Variants in ASRGL1 observed in about 807,000 individuals in gnomAD.
ASRGL1 encodes asparaginase and isoaspartyl peptidase 1, also known as isoaspartyl peptidase/L-asparaginase.
Under a neutral mutation model 22.4 loss-of-function variants are expected in ASRGL1, and 16 were observed. The observed-to-expected ratio is 0.71, with a 90% confidence interval of 0.48 to 1.08. The LOEUF (loss-of-function observed/expected upper bound fraction) is 1.08, where lower values mean the gene tolerates loss of function less well. Ranked by LOEUF, ASRGL1 falls within the 50% of genes least tolerant of loss-of-function variation. The pLI, the probability that ASRGL1 is intolerant of heterozygous loss-of-function variation, is 0.00. For missense variants in ASRGL1, 412 were observed against 410.1 expected (o/e 1.00, Z -0.04); for synonymous variants, 165 against 159.3 (o/e 1.04, Z -0.27).
intron 4 of ASRGL1, among the ~76,000 whole-genome samples, chr11:62,378,940 C>G (rs187598217): frequency 1.8e-3 from 281 of 152,188 alleles, no homozygotes; most frequent in Non-Finnish European, 2.4e-3. Flanking sequence ...TCAAGTGGAA[C>G]TTTAATGCCA....
intron 4 of ASRGL1, 70 bp from the exon 5 acceptor site, chr11:62,389,063 G>A (rs55715528): frequency 7.5e-7 from 1 of 1,334,610 alleles, no homozygotes; most frequent in Non-Finnish European, 1.1e-6. Context: ...GTGGTTTTAA[G>A]GTACATTGTT....
At chr11:62,398,703 A>G in the ASRGL1 span, among the ~76,000 whole-genome samples, 4 of 152,114 alleles carry the variant, frequency 2.6e-5, no homozygotes, top group East Asian at 7.7e-4. Context: ...GCAGGCCGGC[A>G]TGTCTCCCCG....
intron 4 of ASRGL1, among the ~76,000 whole-genome samples, chr11:62,383,913 CAA>C (rs35068655): frequency 8.2e-5 from 10 of 122,244 alleles, no homozygotes; most frequent in African/African-American, 9.7e-5. Flanking sequence ...GAGTTGGTCT[CAA>C]AAAAAAAAAA....
At chr11:62,338,711 G>T (rs1195173526) in intron 2 of ASRGL1, among the ~76,000 whole-genome samples, 1 of 152,010 alleles carries the variant, frequency 6.6e-6, no homozygotes, top group Non-Finnish European at 1.5e-5. Flanking sequence ...CAAGGCGGGT[G>T]GATCACCTGA....
At chr11:62,352,421 A>G (rs138572785) in intron 2 of ASRGL1, among the ~76,000 whole-genome samples, 398 of 152,280 alleles carry the variant, frequency 2.6e-3, no homozygotes, top group Admixed American at 8.1e-3. Flanking sequence ...ACCTGTCTCT[A>G]CTAAAAATAT....
chr11:62,394,075 A>G (rs1487318262), downstream of ASRGL1, among the ~76,000 whole-genome samples: 2 of 143,360 alleles, frequency 1.4e-5, no homozygotes, highest in Admixed American at 7.3e-5. Context: ...TATTTATTAT[A>G]TATTATAATT....
chr11:62,347,693 G>T (rs906480687), intron 2 of ASRGL1, among the ~76,000 whole-genome samples: 2 of 151,964 alleles, frequency 1.3e-5, no homozygotes, highest in Non-Finnish European at 2.9e-5. Context: ...CGTAATCTCA[G>T]CACTTTGGGA....
chr11:62,400,187 C>T, the ASRGL1 span, among the ~76,000 whole-genome samples: 21 of 152,274 alleles, frequency 1.4e-4, no homozygotes, highest in Non-Finnish European at 1.3e-4. Flanking sequence ...ATGAGGGGCT[C>T]CCCAGGCCTT....
In ASRGL1 at chr11:62,356,941, A is replaced by C. The variant is rs753224835; in HGVS notation, c.334-46A>C. ...ACAGTTGGAACAGTTAAAAAGATTT[A>C]AAATTTTCAAAAAAACAATCATTTT... On this transcript the variant is annotated intron_variant, in intron 3 of 6. Coordinates refer to ENST00000415229, the MANE Select transcript of ASRGL1 (RefSeq NM_001083926.2). 7 of 1,556,146 alleles carry C rather than the reference A, an allele frequency of 4.5e-6. No homozygotes were observed. The South Asian group carries it at 7.3e-5, about 16-fold the overall frequency.
In ASRGL1 at chr11:62,357,120, G is replaced by A; in HGVS notation, c.467G>A (p.Gly156Asp). The change falls in exon 4 of 7, where the codon GGT (glycine) becomes GAT (aspartate). Residue 156 changes from glycine to aspartate, a missense_variant. Transcript: ENST00000415229. ...KRLEKEKHEKGAQKTDCQKNL... is the reference protein window; with the variant it reads ...KRLEKEKHEKDAQKTDCQKNL... Reference sequence around the variant, plus strand: ...CTGGAAAAAGAGAAGCATGAAAAAGGTGCTCAGAAAACAGATTGTCAAAAG... The same window carrying A: ...CTGGAAAAAGAGAAGCATGAAAAAGATGCTCAGAAAACAGATTGTCAAAAG... The A allele has an allele frequency of 1.9e-6, 3 of 1,613,780 alleles. No homozygotes were observed. The highest frequency in any genetic ancestry group is 2.5e-6 in the Non-Finnish European group (3 of 1,179,938).
intron 4 of ASRGL1, chr11:62,371,932 C>G (rs1946779396): frequency 1.8e-6 from 1 of 559,088 alleles, no homozygotes; most frequent in Non-Finnish European, 3.1e-6. Context: ...CTAGCCTGGG[C>G]AACAGAGCAA....
intron 2 of ASRGL1, among the ~76,000 whole-genome samples, chr11:62,352,036 C>T (rs1427288971): frequency 1.3e-5 from 2 of 152,154 alleles, no homozygotes; most frequent in Non-Finnish European, 2.9e-5. Flanking sequence ...TCCATTTGCC[C>T]TTATCTGTGT....
At chr11:62,338,313 A>G (rs1050532078) in intron 2 of ASRGL1, 146 bp downstream of exon 2, 10 of 953,620 alleles carry the variant, frequency 1.0e-5, no homozygotes, top group Non-Finnish European at 1.3e-5. Context: ...TAATTTTTCT[A>G]CCTGTGCTGA....
At chr11:62,380,926 C>T (rs1432920062) in intron 4 of ASRGL1, among the ~76,000 whole-genome samples, 12 of 152,216 alleles carry the variant, frequency 7.9e-5, no homozygotes, top group Admixed American at 4.6e-4. Flanking sequence ...ACCTTGTCCA[C>T]TAGGTGGTGC....
chr11:62,346,366 G>A (rs1256104336), intron 2 of ASRGL1, among the ~76,000 whole-genome samples: 1 of 152,096 alleles, frequency 6.6e-6, no homozygotes, highest in Non-Finnish European at 1.5e-5. Context: ...GCCCTCTTCA[G>A]CACACCACCC....
At chr11:62,370,321 A>G (rs1003671863) in intron 4 of ASRGL1, among the ~76,000 whole-genome samples, 6 of 152,166 alleles carry the variant, frequency 3.9e-5, no homozygotes, top group Admixed American at 2.6e-4. Flanking sequence ...TTTAATAACT[A>G]TATTTCCTAA....
downstream of ASRGL1, among the ~76,000 whole-genome samples, chr11:62,395,029 C>T (rs1245558701): frequency 6.6e-6 from 1 of 152,224 alleles, no homozygotes; most frequent in African/African-American, 2.4e-5. Context: ...TCCATGGCTT[C>T]AGCCGCCCAA....
intron 3 of ASRGL1, 139 bp downstream of exon 3, chr11:62,356,606 T>G: frequency 8.9e-7 from 1 of 1,125,980 alleles, no homozygotes. Flanking sequence ...GTATTTGAGT[T>G]TCTCAAATCA....
rs1172795933 is a variant in ASRGL1, at chr11:62,392,181, T to C, written c.824T>C (p.Val275Ala). ...LIVVSKTGDW[V>A]AKWTSTSMPW... ...GTGGTTAGCAAAACAGGAGACTGGG[T>C]GGCAAAGTGGACCTCCACCTCCATG... The change falls in exon 7 of 7, where the codon GTG (valine) becomes GCG (alanine). Residue 275 changes from valine (V) to alanine (A), a missense_variant. Physicochemically the swap from Val to Ala is moderately conservative, Grantham distance 64. Transcript: ENST00000415229. 6.2e-7 allele frequency: 1 copy of C among 1,614,054 alleles called. No homozygotes were observed. Among genetic ancestry groups the C allele is most frequent in the African/African-American group, 1.3e-5 (1 of 74,916 alleles).
Sources: allele counts gnomAD v4.1 joint callset (sites outside exome capture counted in the v4.1 genomes callset), GRCh38; gene constraint gnomAD v4.1.1; transcripts MANE v1.5; gene names NCBI Gene and HGNC (gene_info 2026-07-23, HGNC 2026-07-21).